MVB12B: variants seen among roughly 807,000 people sequenced by gnomAD.
MVB12B encodes the protein multivesicular body subunit 12B, also known as ESCRT-I complex subunit MVB12B.
A neutral mutation model predicts 41.6 loss-of-function variants in MVB12B; 16 were observed. The observed-to-expected ratio is 0.38, with a 90% CI of 0.26 to 0.58. The LOEUF (loss-of-function observed/expected upper bound fraction) is 0.58, where lower values mean the gene tolerates loss of function less well. MVB12B is among the 20% of genes least tolerant of loss of function. MVB12B has a pLI of 0.62. For missense variants in MVB12B, 274 were observed against 380.2 expected, an observed-to-expected ratio of 0.72 and a Z score of 2.32; for synonymous variants, 133 against 139.7, an observed-to-expected ratio of 0.95 and a Z score of 0.34.
chr9:126,362,952 C>T (rs376398565), intron 2 of MVB12B, among the ~76,000 whole-genome samples: 1 of 152,064 alleles, frequency 6.6e-6, no homozygotes, highest in Non-Finnish European at 1.5e-5. Context: ...TTTGGGAAGC[C>T]GAGGCGGGGG....
chr9:126,416,581 A>C (rs1444313737), intron 6 of MVB12B, among the ~76,000 whole-genome samples: 1 of 152,196 alleles, frequency 6.6e-6, no homozygotes, highest in Non-Finnish European at 1.5e-5. Flanking sequence ...CTGATTGAGT[A>C]GTCTCATTTT....
intron 2 of MVB12B, among the ~76,000 whole-genome samples, chr9:126,360,358 A>G (rs982385993): frequency 1.6e-4 from 24 of 152,214 alleles, no homozygotes; most frequent in African/African-American, 5.8e-4. Flanking sequence ...TTTGTGAGCT[A>G]TATGATCTCC....
At chr9:126,440,091 A>G (rs1294145752) in intron 7 of MVB12B, among the ~76,000 whole-genome samples, 1 of 152,194 alleles carries the variant, frequency 6.6e-6, no homozygotes, top group East Asian at 1.9e-4. Context: ...CCTGGTTTGG[A>G]CAGATGCCTG....
At chr9:126,332,118 C>G (rs149488754) in intron 1 of MVB12B, among the ~76,000 whole-genome samples, 81 of 152,268 alleles carry the variant, frequency 5.3e-4, no homozygotes, top group African/African-American at 1.9e-3. Context: ...GTTCACACCA[C>G]GGTGCCTTTG....
At chr9:126,467,040 C>A (rs7044605) in intron 7 of MVB12B, among the ~76,000 whole-genome samples, 40,291 of 151,734 alleles carry the variant, frequency 0.27, 5,448 homozygotes, top group Middle Eastern at 0.33. Flanking sequence ...CACCATGTTG[C>A]CCAAGCTGGT....
chr9:126,452,771 A>T (rs909987397), intron 7 of MVB12B, among the ~76,000 whole-genome samples: 1 of 151,954 alleles, frequency 6.6e-6, no homozygotes, highest in Non-Finnish European at 1.5e-5. Context: ...AGTAATTGGG[A>T]TGTCTTAGGA....
Position 126,395,994 on chromosome 9 carries a change from C to A in MVB12B, c.662+297C>A. On this transcript the variant is annotated intron_variant, in intron 6 of 9. Transcript: ENST00000361171. The surrounding 1 kb of genome is among the most constrained non-coding windows in gnomAD (Gnocchi z 4.9). ...AAGAGCTGCTAGCTACACACAGACA[C>A]GTGCTGTATAGCCATGGGGTTGGGA... The A allele has an allele frequency of 8.4e-7, 1 of 1,191,048 alleles. No individual in the cohort carries two copies. The highest frequency in any genetic ancestry group is 3.5e-4 in the Middle Eastern group (1 of 2,838). The allele number at this position is 1,191,048 out of a possible 1,614,324, so 73.8% of individuals were successfully genotyped here.
intron 2 of MVB12B, among the ~76,000 whole-genome samples, chr9:126,366,949 T>C (rs181867585): frequency 5.5e-4 from 84 of 152,286 alleles, no homozygotes; most frequent in African/African-American, 2.0e-3. Context: ...TCTGTTTCCT[T>C]ACCACTCCCA....
chr9:126,378,129 C>G (rs1830531338), intron 2 of MVB12B, among the ~76,000 whole-genome samples: 1 of 152,204 alleles, frequency 6.6e-6, no homozygotes, highest in African/African-American at 2.4e-5. Flanking sequence ...CCCCACACCC[C>G]ACCTTACCCC....
In MVB12B at chr9:126,392,230, C is replaced by T. The variant is rs150639734; in HGVS notation, c.539+35C>T. 1.9e-3 allele frequency: 2,988 copies of T among 1,611,944 alleles called. 4 individuals are homozygous for T. The highest frequency in any genetic ancestry group is 2.8e-3 in the Middle Eastern group (17 of 6,036). The stretch of plus-strand genomic sequence containing the variant: ...AATAACAGGACTGTCAGCTGCTTCT[C>T]TTCCCTGAGAGCACTCAGGCCACTC... On this transcript the variant is annotated intron_variant, in intron 5 of 9. Coordinates refer to ENST00000361171, the MANE Select transcript of MVB12B (RefSeq NM_033446.3). This position sits in a 1 kb window ranked among gnomAD's most constrained non-coding sequence, Gnocchi z 4.8.
Position 126,391,763 on chromosome 9 carries a change from A to G in MVB12B, c.410-303A>G, listed in dbSNP as rs1830962098. On this transcript the variant is annotated intron_variant, in intron 4 of 9. Coordinates refer to ENST00000361171, the MANE Select transcript of MVB12B (RefSeq NM_033446.3). The surrounding 1 kb of genome is among the most constrained non-coding windows in gnomAD (Gnocchi z 4.4). ...GTTAATGCTCAGGGCGTCAGTGTGC[A>G]GGTTTCTGATGGCTGAGCAGTGAGC... Among the ~76,000 whole-genome samples, 2 of 152,220 alleles carry G rather than the reference A, an allele frequency of 1.3e-5. No individual in the cohort carries two copies. The highest frequency in any genetic ancestry group is 4.8e-5 in the African/African-American group (2 of 41,460).
chr9:126,380,452 G>T (rs989633330), intron 2 of MVB12B, among the ~76,000 whole-genome samples: 2 of 152,206 alleles, frequency 1.3e-5, no homozygotes, highest in African/African-American at 4.8e-5. Context: ...AGTGAGACTA[G>T]AAACAAGGAA....
At position 126,367,492 on chromosome 9, in the gene MVB12B, T is replaced by C. The variant is rs1256690576; in HGVS notation, c.205-13572T>C. Among the ~76,000 whole-genome samples the C allele has an allele frequency of 6.6e-6, 1 of 151,996 alleles. No individual in the cohort carries two copies. The highest frequency in any genetic ancestry group is 1.5e-5 in the Non-Finnish European group (1 of 67,984). On this transcript the variant is annotated intron_variant, in intron 2 of 9. Coordinates refer to ENST00000361171, the MANE Select transcript of MVB12B (RefSeq NM_033446.3). The surrounding 1 kb of genome is among the most constrained non-coding windows in gnomAD (Gnocchi z 4.3). ...CCTGCCCCTCTGCCCCTACTTCGTTTCTGCCTGCCAGCACTTTATGATGCA... is the reference window on the plus strand; with the variant it reads ...CCTGCCCCTCTGCCCCTACTTCGTTCCTGCCTGCCAGCACTTTATGATGCA...
intron 9 of MVB12B, among the ~76,000 whole-genome samples, chr9:126,494,360 T>C (rs1833789162): frequency 6.6e-6 from 1 of 152,170 alleles, no homozygotes; most frequent in African/African-American, 2.4e-5. Flanking sequence ...ACACATCTTG[T>C]TCCCGTGGTG....
intron 7 of MVB12B, among the ~76,000 whole-genome samples, chr9:126,465,623 A>G (rs1179604892): frequency 7.5e-6 from 1 of 133,912 alleles, no homozygotes; most frequent in Admixed American, 8.3e-5. Flanking sequence ...GGGCGCAGCT[A>G]TCATGGAGCT....
intron 3 of MVB12B, among the ~76,000 whole-genome samples, chr9:126,385,804 G>T (rs1830771492): frequency 6.6e-6 from 1 of 152,108 alleles, no homozygotes; most frequent in Non-Finnish European, 1.5e-5. Flanking sequence ...TAAGTTGTAG[G>T]GTAGATATCT....
chr9:126,365,399 C>A (rs1830148822), intron 2 of MVB12B, among the ~76,000 whole-genome samples: 1 of 146,180 alleles, frequency 6.8e-6, no homozygotes, highest in Admixed American at 6.9e-5. Context: ...ATGGTGCAAT[C>A]TTAGCTCACT....
intron 7 of MVB12B, among the ~76,000 whole-genome samples, chr9:126,422,827 A>C (rs1832065205): frequency 6.6e-6 from 1 of 152,230 alleles, no homozygotes; most frequent in South Asian, 2.1e-4. Context: ...AATTCTTGTC[A>C]GTATTAGTTT....
intron 6 of MVB12B, chr9:126,396,214 T>C (rs1298332432): frequency 1.2e-5 from 12 of 986,526 alleles, no homozygotes; most frequent in Non-Finnish European, 1.3e-5. Context: ...TTAACAATTG[T>C]CTCCGCAAAG....
Sources: allele counts gnomAD v4.1 joint callset (sites outside exome capture counted in the v4.1 genomes callset), GRCh38; gene constraint gnomAD v4.1.1; non-coding constraint Gnocchi (gnomAD v3.1); transcripts MANE v1.5; gene names NCBI Gene and HGNC (gene_info 2026-07-23, HGNC 2026-07-21).